The following CAP2 variants were observed in gnomAD, a reference collection of about 807,000 sequenced individuals.
The protein encoded by CAP2 is adenylyl cyclase-associated protein 2.
CAP2 carries 24 observed loss-of-function variants against 57.7 expected under a neutral mutation model. The ratio of observed to expected loss-of-function variants is 0.42; its 90% CI spans 0.30 to 0.58. The LOEUF (loss-of-function observed/expected upper bound fraction) is 0.58. CAP2 is among the 20% of genes least tolerant of loss of function. CAP2 has a pLI of 0.22. For missense variants in CAP2, 501 were observed against 590.3 expected (o/e 0.85, Z 1.57); for synonymous variants, 194 against 207.2 (o/e 0.94, Z 0.55).
intron 3 of CAP2, among the ~76,000 whole-genome samples, chr6:17,452,995 T>C (rs1760454384): frequency 6.6e-6 from 1 of 152,214 alleles, no homozygotes; most frequent in Admixed American, 6.5e-5. Flanking sequence ...TAGCAAAAGT[T>C]GGGAAGATAC....
At chr6:17,400,104 T>C (rs62393828) in intron 1 of CAP2, among the ~76,000 whole-genome samples, 12,944 of 151,726 alleles carry the variant, frequency 0.085, 708 homozygotes, top group South Asian at 0.17. Context: ...CACGTGCCTG[T>C]AGTCCCAGCT....
intron 4 of CAP2, among the ~76,000 whole-genome samples, chr6:17,497,791 T>C (rs1005465929): frequency 6.6e-6 from 1 of 152,228 alleles, no homozygotes; most frequent in Non-Finnish European, 1.5e-5. Flanking sequence ...TGTTAGCTTT[T>C]TGCACTACCA....
chr6:17,395,453 GA>G (rs776841501), intron 1 of CAP2, among the ~76,000 whole-genome samples: 20 of 152,098 alleles, frequency 1.3e-4, no homozygotes, highest in Non-Finnish European at 2.4e-4. Flanking sequence ...TAGCTTGAGG[GA>G]GGAGCAGAAA....
At chr6:17,532,774 G>A (rs1762678537) in intron 7 of CAP2, among the ~76,000 whole-genome samples, 3 of 137,236 alleles carry the variant, frequency 2.2e-5, no homozygotes, top group African/African-American at 8.1e-5. Context: ...AAAAAAACTG[G>A]AAGTGTTGGC....
intron 8 of CAP2, 103 bp from the exon 9 acceptor site, chr6:17,540,870 A>G: frequency 8.7e-7 from 1 of 1,155,748 alleles, no homozygotes; most frequent in East Asian, 2.4e-5. Context: ...AAGTGGCCTT[A>G]CCAAAAGTTC....
intron 3 of CAP2, among the ~76,000 whole-genome samples, chr6:17,436,123 C>T (rs76523941): frequency 0.016 from 1,083 of 65,694 alleles, 17 homozygotes; most frequent in African/African-American, 0.059. Flanking sequence ...CCTTCCTTCC[C>T]TCCTTCCTTC....
intron 9 of CAP2, among the ~76,000 whole-genome samples, chr6:17,542,462 C>A (rs1302848878): frequency 1.8e-5 from 2 of 109,394 alleles, no homozygotes; most frequent in Admixed American, 1.6e-4. Flanking sequence ...AGGGCTTAGA[C>A]CACTGCTGTG....
intron 7 of CAP2, among the ~76,000 whole-genome samples, chr6:17,524,188 C>T (rs560154743): frequency 6.6e-5 from 10 of 151,682 alleles, no homozygotes; most frequent in African/African-American, 2.2e-4. Context: ...CAATTTCTGC[C>T]TTTTGAAATT....
At chr6:17,524,459 T>G (rs753945555) in intron 7 of CAP2, among the ~76,000 whole-genome samples, 8 of 152,122 alleles carry the variant, frequency 5.3e-5, no homozygotes, top group Non-Finnish European at 1.5e-5. Context: ...CAGGCGAGAA[T>G]TCAAGGGTGA....
intron 11 of CAP2, among the ~76,000 whole-genome samples, chr6:17,548,373 A>AAAAG (rs528872186): frequency 2.0e-4 from 31 of 152,164 alleles, no homozygotes; most frequent in South Asian, 2.1e-4. Context: ...CTCAAAAAAA[A>AAAAG]AAAGAAAGAA....
intron 4 of CAP2, among the ~76,000 whole-genome samples, chr6:17,469,015 T>C (rs966035309): frequency 1.3e-5 from 2 of 152,134 alleles, no homozygotes; most frequent in Non-Finnish European, 2.9e-5. Flanking sequence ...TGAACAAGTG[T>C]TTTTTGGCCT....
intron 4 of CAP2, among the ~76,000 whole-genome samples, chr6:17,491,677 G>A (rs750984728): frequency 2.1e-4 from 32 of 152,176 alleles, no homozygotes; most frequent in Non-Finnish European, 4.4e-4. Context: ...CTGTGGGAGC[G>A]AGACATATCT....
rs115192272 is a variant in CAP2, at chr6:17,396,065, T to C, written c.-2+2319T>C. Among the ~76,000 whole-genome samples, 631 of 152,314 alleles carry C rather than the reference T, an allele frequency of 4.1e-3. 5 individuals are homozygous for C. Among genetic ancestry groups the C allele is most frequent in the African/African-American group, 0.015 (615 of 41,572 alleles). ...CCCATGAAAAGATACTCAACATCAT[T>C]ATTCATCAGAGAAATGCAAATCAAA... On this transcript the variant is annotated intron_variant, in intron 1 of 12. Coordinates refer to ENST00000229922, the MANE Select transcript of CAP2 (RefSeq NM_006366.3).
chr6:17,482,172 T>C (rs946165535), intron 4 of CAP2, among the ~76,000 whole-genome samples: 1 of 152,178 alleles, frequency 6.6e-6, no homozygotes, highest in Non-Finnish European at 1.5e-5. Flanking sequence ...TGGAACAAAA[T>C]AACACAAAGT....
chr6:17,545,077 A>G (rs1162380634), intron 11 of CAP2, among the ~76,000 whole-genome samples: 1 of 152,200 alleles, frequency 6.6e-6, no homozygotes, highest in Non-Finnish European at 1.5e-5. Context: ...TTCCCACTTT[A>G]CATTATTTTT....
intron 1 of CAP2, among the ~76,000 whole-genome samples, chr6:17,395,976 A>G (rs921721881): frequency 6.6e-6 from 1 of 152,232 alleles, no homozygotes; most frequent in Non-Finnish European, 1.5e-5. Flanking sequence ...AAATAATCCA[A>G]TTTAAAAATG....
At chr6:17,447,166 G>A (rs890568829) in intron 3 of CAP2, among the ~76,000 whole-genome samples, 10 of 134,316 alleles carry the variant, frequency 7.4e-5, no homozygotes, top group African/African-American at 2.4e-4. Flanking sequence ...GCGACCACAG[G>A]CAGCTAATTA....
At position 17,539,467 on chromosome 6, in the gene CAP2, G is replaced by C; in HGVS notation, c.826+9G>C. 1 of 1,609,664 alleles carries C rather than the reference G, an allele frequency of 6.2e-7. No individual in the cohort carries two copies. The highest frequency in any genetic ancestry group is 8.5e-7 in the Non-Finnish European group (1 of 1,176,708). ...AGAAGCAATTACAAAAGGTGAGAGA[G>C]AAAAGAAGACCTTGAAGCTGCCTCC... On this transcript the variant is annotated intron_variant, in intron 8 of 12. Transcript: ENST00000229922.
chr6:17,495,056 C>A (rs1366285543), intron 4 of CAP2, among the ~76,000 whole-genome samples: 1 of 152,202 alleles, frequency 6.6e-6, no homozygotes, highest in Non-Finnish European at 1.5e-5. Flanking sequence ...CCTGGGTCTC[C>A]AGCCAGCTGA....
Sources: gnomAD v4.1 joint callset for allele counts (sites outside exome capture counted in the v4.1 genomes callset) on GRCh38, gnomAD v4.1.1 for gene constraint, MANE v1.5 for transcripts, NCBI Gene and HGNC (gene_info 2026-07-23, HGNC 2026-07-21) for gene names.